DMRT3: variants seen among roughly 807,000 people sequenced by gnomAD.
DMRT3 encodes the protein doublesex and mab-3 related transcription factor 3, also known as doublesex- and mab-3-related transcription factor 3.
In DMRT3, 29 loss-of-function variants were observed where a neutral mutation model predicts 34.9. That is an observed-to-expected ratio of 0.83 (90% CI 0.62 to 1.13). DMRT3 has a LOEUF of 1.13. Ranked by LOEUF, DMRT3 falls within the 50% of genes most tolerant of loss-of-function variation. The probability of loss-of-function intolerance (pLI) is 0.00; values close to 1 mark genes in which losing one functional copy is unlikely to be tolerated. For synonymous variants in DMRT3, 350 were observed against 286.0 expected, an observed-to-expected ratio of 1.22 and a Z score of -2.26; for missense variants, 772 against 629.1, an observed-to-expected ratio of 1.23 and a Z score of -2.43.
rs898114467 is a variant in DMRT3 at position 976,708 on chromosome 9, G to A, written c.-294G>A. Among the ~76,000 whole-genome samples, 1 of 152,204 alleles carries A rather than the reference G, an allele frequency of 6.6e-6. No homozygotes were observed. The highest frequency in any genetic ancestry group is 1.5e-5 in the Non-Finnish European group (1 of 68,022). On this transcript the variant is annotated 5_prime_UTR_variant, in exon 1 of 2. Transcript: ENST00000190165. The surrounding 1 kb of genome is among the most constrained non-coding windows in gnomAD (Gnocchi z 4.5). Reference sequence around the variant, plus strand: ...GAGCTGTCGCCGGCTCCTTGCAGCCGCCGCAGCGCCTCCGCGAAGGAGGAC... The same window carrying A: ...GAGCTGTCGCCGGCTCCTTGCAGCCACCGCAGCGCCTCCGCGAAGGAGGAC...
chr9:980,911 G>C (rs933814956), intron 1 of DMRT3, among the ~76,000 whole-genome samples: 1 of 152,132 alleles, frequency 6.6e-6, no homozygotes, highest in African/African-American at 2.4e-5. Context: ...CTTAGACTGT[G>C]GTGCGATGAG....
chr9:984,530 C>T (rs185273455), intron 1 of DMRT3, among the ~76,000 whole-genome samples: 104 of 151,632 alleles, frequency 6.9e-4, no homozygotes, highest in African/African-American at 2.4e-3. Flanking sequence ...ATCTGCAGCT[C>T]ACTGCAAGCT....
Position 990,617 on chromosome 9 carries a change from C to T in DMRT3, c.1031C>T (p.Ala344Val), listed in dbSNP as rs1197299570. 2 of 1,614,122 alleles carry T rather than the reference C, an allele frequency of 1.2e-6. No individual in the cohort carries two copies. The highest frequency in any genetic ancestry group is 1.6e-4 in the Middle Eastern group (1 of 6,062). The change falls in exon 2 of 2, where the codon GCC becomes GTC. Residue 344 changes from alanine to valine, a missense_variant. Coordinates refer to ENST00000190165, the MANE Select transcript of DMRT3 (RefSeq NM_021240.4). ...FRVPDTLRFS[A>V]DSSNVVPSPL... ...GTCCCAGACACGTTGAGGTTTTCTG[C>T]CGACTCTAGCAACGTTGTCCCCAGT...
chr9:990,691 C>T lies in DMRT3; in HGVS notation c.1105C>T (p.Pro369Ser). 3.1e-6 allele frequency: 5 copies of T among 1,614,102 alleles called. No individual in the cohort carries two copies. Among genetic ancestry groups the T allele is most frequent in the Non-Finnish European group, 4.2e-6 (5 of 1,180,018 alleles). Reference sequence around the variant, plus strand: ...CCCTTTCCCCCAGCCACCCCGGTACCCGCTGATGCTGAGGAATACTTTGGC... The same window carrying T: ...CCCTTTCCCCCAGCCACCCCGGTACTCGCTGATGCTGAGGAATACTTTGGC... Reference protein sequence around the residue: ...QPPFPQPPRYPLMLRNTLARS... With the variant: ...QPPFPQPPRYSLMLRNTLARS... Residue 369 changes from proline (P) to serine (S), a missense_variant, in exon 2 of 2, where the codon CCG becomes TCG. Coordinates refer to ENST00000190165, the MANE Select transcript of DMRT3 (RefSeq NM_021240.4).
rs533084627 is a variant in DMRT3 at position 981,263 on chromosome 9, T to A, written c.454+3808T>A. Among the ~76,000 whole-genome samples, 5 of 151,422 alleles carry A rather than the reference T, an allele frequency of 3.3e-5. No individual in the cohort carries two copies. The South Asian group carries it at 1.0e-3, about 32-fold the overall frequency. On this transcript the variant is annotated intron_variant, in intron 1 of 1. Transcript: ENST00000190165. Reference sequence around the variant, plus strand: ...ACTGGGTCCCGCAAAGTCCACTTCCTTTTTTTTTAATTTTTTTTTCCCCCA... The same window carrying A: ...ACTGGGTCCCGCAAAGTCCACTTCCATTTTTTTTAATTTTTTTTTCCCCCA...
rs891913305 is a variant in DMRT3 at position 977,365 on chromosome 9, C to T, written c.364C>T (p.Arg122Cys). 8.1e-7 allele frequency: 1 copy of T among 1,233,134 alleles called. No homozygotes were observed. The highest frequency in any genetic ancestry group is 3.9e-5 in the South Asian group (1 of 25,780). The allele number at this position is 1,233,134 out of a possible 1,614,324, so 76.4% of individuals were successfully genotyped here. The change falls in exon 1 of 2, where the codon CGC becomes TGC. Residue 122 changes from arginine to cysteine, a missense_variant. By Grantham distance (180) the Arg-to-Cys change is radical. Transcript: ENST00000190165. ...TCAGCCGTCGCAGCCGCAGCCGCCG[C>T]GCCCTGCTGCCGAGTTGGCCGCGGC... is the stretch of plus-strand genomic sequence containing the variant. ...ASQPSQPQPP[R>C]PAAELAAAAA...
intron 1 of DMRT3, among the ~76,000 whole-genome samples, chr9:980,354 T>A (rs1820201353): frequency 6.6e-6 from 1 of 152,174 alleles, no homozygotes; most frequent in Non-Finnish European, 1.5e-5. Flanking sequence ...GTGTGGTGTT[T>A]TTAAGGAGAA....
chr9:978,863 C>G (rs182772579), intron 1 of DMRT3, among the ~76,000 whole-genome samples: 3 of 152,298 alleles, frequency 2.0e-5, no homozygotes, highest in African/African-American at 7.2e-5. Flanking sequence ...AGTTGTCTCT[C>G]TTTTGTCTGT....
At chr9:984,785 A>G (rs758912096) in intron 1 of DMRT3, among the ~76,000 whole-genome samples, 1 of 152,166 alleles carries the variant, frequency 6.6e-6, no homozygotes, top group East Asian at 1.9e-4. Flanking sequence ...CATCGTGAGC[A>G]GAATGTTTGT....
intron 1 of DMRT3, among the ~76,000 whole-genome samples, chr9:985,787 G>A (rs1365017790): frequency 6.6e-6 from 1 of 152,214 alleles, no homozygotes; most frequent in African/African-American, 2.4e-5. Flanking sequence ...AGCCTTACAT[G>A]TTGATGGGGA....
At position 976,956 on chromosome 9, in the gene DMRT3, G is replaced by A. The variant is rs1419715728; in HGVS notation, c.-46G>A. ...CAGCCCCGCCGTCCAGCGCTCCCTG[G>A]CCCTCTCCCGCAGCCAGGCTGCCAA... On this transcript the variant is annotated 5_prime_UTR_variant, in exon 1 of 2. Coordinates refer to ENST00000190165, the MANE Select transcript of DMRT3 (RefSeq NM_021240.4). The surrounding 1 kb of genome is among the most constrained non-coding windows in gnomAD (Gnocchi z 4.5). The A allele has an allele frequency of 1.4e-6, 2 of 1,426,786 alleles. No homozygotes were observed. Among genetic ancestry groups the A allele is most frequent in the Admixed American group, 2.9e-5 (1 of 34,402 alleles). 88.4% of individuals were successfully genotyped at this position (1,426,786 alleles called of 1,614,324 possible). A position where few individuals can be genotyped will look rare whatever the true frequency, so the allele number is the denominator to read the frequency against.
rs997930750 is a variant in DMRT3, at chr9:976,985, A to G, written c.-17A>G. 18 of 1,468,484 alleles carry G rather than the reference A, an allele frequency of 1.2e-5. No homozygotes were observed. The South Asian group carries it at 2.3e-4, about 19-fold the overall frequency. The allele number at this position is 1,468,484 out of a possible 1,614,324, so 91.0% of individuals were successfully genotyped here. ...TCTCCCGCAGCCAGGCTGCCAACTC[A>G]TTCGGGAGCCCGGGGCATGAACGGC... On this transcript the variant is annotated 5_prime_UTR_variant, in exon 1 of 2. Coordinates refer to ENST00000190165, the MANE Select transcript of DMRT3 (RefSeq NM_021240.4). This position sits in a 1 kb window ranked among gnomAD's most constrained non-coding sequence, Gnocchi z 4.5.
At chr9:979,007 C>T (rs1249616421) in intron 1 of DMRT3, among the ~76,000 whole-genome samples, 1 of 152,096 alleles carries the variant, frequency 6.6e-6, no homozygotes, top group Non-Finnish European at 1.5e-5. Flanking sequence ...TGGATTTGTA[C>T]CAATATATTT....
At chr9:985,368 AAAG>A (rs1820271029) in intron 1 of DMRT3, among the ~76,000 whole-genome samples, 1 of 152,186 alleles carries the variant, frequency 6.6e-6, no homozygotes. Flanking sequence ...TTTCAAGAAG[AAAG>A]AAGGTAAAAT....
chr9:990,739 T>C lies in DMRT3; in HGVS notation c.1153T>C (p.Leu385=), dbSNP rs988258187. ...GGCGAGAAGCCAGTCGAGCCCCTTT[T>C]TGCCCAATGATGTCACCCTGTGGAA... is the stretch of plus-strand genomic sequence containing the variant. ...TLARSQSSPF[L]PNDVTLWNTM... is the part of the protein sequence containing the mutation. Residue 385 remains leucine (L), a synonymous_variant, in exon 2 of 2, where the codon TTG becomes CTG. Transcript: ENST00000190165. The C allele has an allele frequency of 2.5e-6, 4 of 1,614,022 alleles. No individual in the cohort carries two copies. The highest frequency in any genetic ancestry group is 3.4e-6 in the Non-Finnish European group (4 of 1,180,046).
At chr9:988,943 C>T (rs969202286) in intron 1 of DMRT3, among the ~76,000 whole-genome samples, 2 of 152,192 alleles carry the variant, frequency 1.3e-5, no homozygotes, top group Admixed American at 6.5e-5. Flanking sequence ...TTTACTACTG[C>T]AAAGCAAACC....
At position 991,149 on chromosome 9, in the gene DMRT3, A is replaced by C; in HGVS notation, c.*144A>C. The C allele has an allele frequency of 8.8e-7, 1 of 1,139,726 alleles. No individual in the cohort carries two copies. Among genetic ancestry groups the C allele is most frequent in the African/African-American group, 1.5e-5 (1 of 64,680 alleles). 70.6% of individuals were successfully genotyped at this position (1,139,726 alleles called of 1,614,324 possible). On this transcript the variant is annotated 3_prime_UTR_variant, in exon 2 of 2. Transcript: ENST00000190165. ...CTTGATTCTATACATTAGCAATAAAAACATAACTTATTTAACTTCTTGCAC... is the reference window on the plus strand; with the variant it reads ...CTTGATTCTATACATTAGCAATAAACACATAACTTATTTAACTTCTTGCAC...
At chr9:987,130 A>G (rs998127298) in intron 1 of DMRT3, among the ~76,000 whole-genome samples, 1 of 152,298 alleles carries the variant, frequency 6.6e-6, no homozygotes. Flanking sequence ...ATGTTGTGCA[A>G]CCATCACCAC....
In DMRT3 at chr9:983,907, A is replaced by G. The variant is rs1048510666; in HGVS notation, c.455-6134A>G. On this transcript the variant is annotated intron_variant, in intron 1 of 1. Coordinates refer to ENST00000190165, the MANE Select transcript of DMRT3 (RefSeq NM_021240.4). Reference sequence around the variant, plus strand: ...ATTTTTTAAAAAGTAAAGCATGGCTAGTTTTTTTTTTTTTTTTAACTTTTC... The same window carrying G: ...ATTTTTTAAAAAGTAAAGCATGGCTGGTTTTTTTTTTTTTTTTAACTTTTC... Among the ~76,000 whole-genome samples the G allele has an allele frequency of 2.3e-4, 30 of 129,582 alleles. No individual in the cohort carries two copies. The East Asian group carries it at 5.5e-3, about 24-fold the overall frequency. 85.0% of individuals were successfully genotyped at this position (129,582 alleles called of 152,430 possible). A position where few individuals can be genotyped will look rare whatever the true frequency, so the allele number is the denominator to read the frequency against.
Sources: gnomAD v4.1 joint callset for allele counts (sites outside exome capture counted in the v4.1 genomes callset) on GRCh38, gnomAD v4.1.1 for gene constraint, Gnocchi (gnomAD v3.1) non-coding constraint, MANE v1.5 for transcripts, NCBI Gene and HGNC (gene_info 2026-07-23, HGNC 2026-07-21) for gene names.